Variants in ZNF100 observed in about 807,000 individuals in gnomAD.
ZNF100 encodes zinc finger protein 100 (Y1).
In ZNF100, 12 loss-of-function variants were observed where a neutral mutation model predicts 15.8. That is an observed-to-expected ratio of 0.76 (90% CI 0.49 to 1.23). The LOEUF (loss-of-function observed/expected upper bound fraction) is 1.23. Among genes scored for constraint, ZNF100 ranks in the 50% most tolerant of loss-of-function variants. The pLI is 0.00. For missense variants in ZNF100, 670 were observed against 635.6 expected (o/e 1.05, Z -0.58); for synonymous variants, 226 against 214.8 (o/e 1.05, Z -0.45).
At chr19:21,751,013 C>G (rs2036298491) in intron 2 of ZNF100, 1 of 1,245,336 alleles carries the variant, frequency 8.0e-7, no homozygotes, top group South Asian at 1.3e-5. Context: ...GATTTCGCAG[C>G]GGGCGAGGGC....
chr19:21,759,028 T>C (rs2036437248), intron 2 of ZNF100, among the ~76,000 whole-genome samples: 1 of 152,138 alleles, frequency 6.6e-6, no homozygotes, highest in African/African-American at 2.4e-5. Context: ...ACTCAATGTC[T>C]AACATTCGAA....
At chr19:21,746,247 C>G (rs577116723) in intron 2 of ZNF100, among the ~76,000 whole-genome samples, 1 of 152,174 alleles carries the variant, frequency 6.6e-6, no homozygotes, top group South Asian at 2.1e-4. Flanking sequence ...TTCAATCATA[C>G]AGAAACATCA....
chr19:21,764,441 A>C (rs886979367), intron 2 of ZNF100, among the ~76,000 whole-genome samples: 2 of 152,116 alleles, frequency 1.3e-5, no homozygotes, highest in African/African-American at 4.8e-5. Flanking sequence ...TAGGAGTTTG[A>C]GACCAGCCTG....
chr19:21,739,262 C>T (rs1469323758), intron 4 of ZNF100, among the ~76,000 whole-genome samples: 2 of 152,178 alleles, frequency 1.3e-5, no homozygotes, highest in South Asian at 2.1e-4. Flanking sequence ...GAACACATAA[C>T]AAGTCTTATT....
At chr19:21,761,393 AT>A (rs1248980924) in intron 2 of ZNF100, among the ~76,000 whole-genome samples, 1 of 152,188 alleles carries the variant, frequency 6.6e-6, no homozygotes, top group Non-Finnish European at 1.5e-5. Context: ...GAAACTTGTT[AT>A]TTTACCAAGG....
rs752633317 is a variant in ZNF100 at position 21,726,972 on chromosome 19, T to TAC, written c.1339_1340insGT (p.His447ArgfsTer4). On this transcript the variant is annotated frameshift_variant, in exon 5 of 5. Transcript: ENST00000358296. LOFTEE classifies it low-confidence loss of function (END_TRUNC). Reference sequence around the variant, plus strand: ...TTTCTCTCCAGTATGAATCATCTTATGGGTAGTAAGGTTTGAGGACTCATT... The same window carrying TAC: ...TTTCTCTCCAGTATGAATCATCTTATACGGGTAGTAAGGTTTGAGGACTCATT... 8.7e-4 allele frequency: 1,398 copies of TAC among 1,613,102 alleles called. 2 individuals carry two copies. Among genetic ancestry groups the TAC allele is most frequent in the Non-Finnish European group, 1.0e-3 (1,232 of 1,179,610 alleles).
At chr19:21,746,663 T>G (rs918442718) in intron 2 of ZNF100, among the ~76,000 whole-genome samples, 12 of 152,174 alleles carry the variant, frequency 7.9e-5, no homozygotes, top group Admixed American at 2.6e-4. Context: ...AGGAAAGAAA[T>G]ATTTTGCATA....
chr19:21,731,140 A>C (rs1033602584), intron 4 of ZNF100, among the ~76,000 whole-genome samples: 9 of 152,182 alleles, frequency 5.9e-5, no homozygotes, highest in Non-Finnish European at 1.2e-4. Context: ...TAATTAAAAC[A>C]AGTTGGTATG....
chr19:21,742,226 G>A (rs182217329), intron 4 of ZNF100, among the ~76,000 whole-genome samples: 1 of 151,324 alleles, frequency 6.6e-6, no homozygotes, highest in Admixed American at 6.6e-5. Context: ...GAACCCAGGA[G>A]GTGGGGGTTG....
chr19:21,730,949 A>T (rs1309635671), intron 4 of ZNF100, among the ~76,000 whole-genome samples: 1 of 152,236 alleles, frequency 6.6e-6, no homozygotes, highest in Non-Finnish European at 1.5e-5. Context: ...TTTTCAAAGT[A>T]ATCTACAGAT....
At chr19:21,745,920 T>C (rs1030408213) in intron 2 of ZNF100, among the ~76,000 whole-genome samples, 1 of 152,212 alleles carries the variant, frequency 6.6e-6, no homozygotes, top group African/African-American at 2.4e-5. Flanking sequence ...AGCCTGTGTT[T>C]TACCAGATTT....
At position 21,766,047 on chromosome 19, in the gene ZNF100, A is replaced by C. The variant is rs189492479; in HGVS notation, c.4-261T>G. 4.4e-4 allele frequency among the ~76,000 whole-genome samples: 67 copies of C among 152,356 alleles called. No homozygotes were observed. In the East Asian group the frequency reaches 0.012, roughly 27 times the overall value. On this transcript the variant is annotated intron_variant, in intron 1 of 4. Transcript: ENST00000358296. ...TTCTACAATACAGTGTCAGAGGATT[A>C]GTCTTTGTTTCCTTTTCGTGGGAAA...
In ZNF100 at chr19:21,757,814, T is replaced by C. The variant is rs115641456; in HGVS notation, c.96+7880A>G. Among the ~76,000 whole-genome samples the C allele has an allele frequency of 4.4e-3, 667 of 152,198 alleles. 1 individual carries two copies. Among genetic ancestry groups the C allele is most frequent in the African/African-American group, 0.015 (643 of 41,536 alleles). On this transcript the variant is annotated intron_variant, in intron 2 of 4. Transcript: ENST00000358296. The stretch of plus-strand genomic sequence containing the variant: ...ACTTTGGGAGGCCAAGGCAGGTGGA[T>C]TGCCTTAGCTCAAGAGTTCAAGACG...
At chr19:21,732,350 C>G (rs565644951) in intron 4 of ZNF100, among the ~76,000 whole-genome samples, 122 of 152,188 alleles carry the variant, frequency 8.0e-4, no homozygotes, top group African/African-American at 2.8e-3. Flanking sequence ...AACTGGTCAC[C>G]TAGCCAAGAT....
intron 4 of ZNF100, among the ~76,000 whole-genome samples, chr19:21,742,141 G>C (rs2036120461): frequency 1.3e-5 from 2 of 151,772 alleles, no homozygotes; most frequent in Non-Finnish European, 2.9e-5. Context: ...TCTAACAATA[G>C]AAAAAATTAC....
Position 21,726,856 on chromosome 19 carries a change from T to C in ZNF100, c.1456A>G (p.Lys486Glu). The change falls in exon 5 of 5, where the codon AAA becomes GAA. Residue 486 changes from lysine (K) to glutamate (E), a missense_variant. Physicochemically the swap from Lys to Glu is moderately conservative, Grantham distance 56 (BLOSUM62 1). Transcript: ENST00000358296. The part of the protein sequence containing the change: ...KMIHTGEKPY[K>E]CEECGKAFNR... The stretch of plus-strand genomic sequence containing the variant: ...AAAGCTTTGCCACATTCCTCACATT[T>C]GTAGGGTTTCTCTCCAGTATGAATC... 1.2e-6 allele frequency: 2 copies of C among 1,613,398 alleles called. No homozygotes were observed. The highest frequency in any genetic ancestry group is 8.5e-7 in the Non-Finnish European group (1 of 1,179,746).
rs561497306 is a variant in ZNF100, at chr19:21,750,944, G to C, written c.97-5877C>G. The C allele has an allele frequency of 1.7e-5, 13 of 777,506 alleles. No individual in the cohort carries two copies. In the Admixed American group the frequency reaches 2.2e-4, roughly 13 times the overall value. 48.2% of individuals were successfully genotyped at this position (777,506 alleles called of 1,614,324 possible). A position where few individuals can be genotyped will look rare whatever the true frequency, so the allele number is the denominator to read the frequency against. On this transcript the variant is annotated intron_variant, in intron 2 of 4. Transcript: ENST00000358296. ...GCTGTACTGCGCAACCGACATCTACGAGGCGGCACCCGGGGATGCGGTGGC... is the reference window on the plus strand; with the variant it reads ...GCTGTACTGCGCAACCGACATCTACCAGGCGGCACCCGGGGATGCGGTGGC...
intron 4 of ZNF100, among the ~76,000 whole-genome samples, chr19:21,735,399 C>A (rs1442491773): frequency 1.3e-5 from 2 of 149,894 alleles, no homozygotes; most frequent in Non-Finnish European, 2.9e-5. Context: ...GAGGCTGAGG[C>A]AGGAGAATGG....
intron 4 of ZNF100, among the ~76,000 whole-genome samples, chr19:21,742,113 T>A (rs1393173353): frequency 6.6e-6 from 1 of 152,024 alleles, no homozygotes; most frequent in Non-Finnish European, 1.5e-5. Context: ...CTGGAGAACA[T>A]GGTGAAACTC....
Sources: allele counts gnomAD v4.1 joint callset (sites outside exome capture counted in the v4.1 genomes callset), GRCh38; gene constraint gnomAD v4.1.1; transcripts MANE v1.5; gene names NCBI Gene and HGNC (gene_info 2026-07-23, HGNC 2026-07-21).